The following VAC14 variants were observed in gnomAD, a reference collection of about 807,000 sequenced individuals.
The protein encoded by VAC14 is protein VAC14 homolog.
Under a neutral mutation model 85.3 loss-of-function variants are expected in VAC14, and 47 were observed. The observed-to-expected ratio is 0.55, with a 90% CI of 0.44 to 0.70. VAC14 has a LOEUF of 0.70. Ranked by LOEUF, VAC14 falls within the 30% of genes least tolerant of loss-of-function variation. The probability of loss-of-function intolerance (pLI) is 0.00; values close to 1 mark genes in which losing one functional copy is unlikely to be tolerated. For missense variants in VAC14, 861 were observed against 1,004.3 expected (o/e 0.86, Z 1.93); for synonymous variants, 447 against 430.5 (o/e 1.04, Z -0.47).
intron 9 of VAC14, among the ~76,000 whole-genome samples, chr16:70,779,476 T>G (rs895645161): frequency 6.6e-6 from 1 of 152,248 alleles, no homozygotes; most frequent in Non-Finnish European, 1.5e-5. Flanking sequence ...TTGTGGGTTA[T>G]TCTACTGAAT....
intron 14 of VAC14, among the ~76,000 whole-genome samples, chr16:70,702,812 C>G (rs1459211602): frequency 6.6e-6 from 1 of 152,200 alleles, no homozygotes; most frequent in African/African-American, 2.4e-5. Flanking sequence ...CTAGTCCACA[C>G]CGGGATCTGT....
intron 5 of VAC14, among the ~76,000 whole-genome samples, chr16:70,783,818 A>T (rs545737765): frequency 1.3e-5 from 2 of 152,230 alleles, no homozygotes. Flanking sequence ...AAAAGGCTAG[A>T]AAAAGTGAGA....
At chr16:70,769,698 G>C (rs1233394588) in intron 10 of VAC14, 1 of 152,202 alleles carries the variant, frequency 6.6e-6, no homozygotes, top group African/African-American at 2.4e-5. Context: ...TCCTGGCCTT[G>C]GCACAAGAAC....
intron 1 of VAC14, among the ~76,000 whole-genome samples, chr16:70,798,536 G>T (rs1042884430): frequency 2.0e-5 from 3 of 152,202 alleles, no homozygotes; most frequent in African/African-American, 7.2e-5. Flanking sequence ...CTATCTCTAA[G>T]CAATTTGTGA....
intron 12 of VAC14, among the ~76,000 whole-genome samples, chr16:70,745,518 T>TGTGTGTGTGC (rs374204849): frequency 1.9e-4 from 27 of 141,106 alleles, no homozygotes; most frequent in South Asian, 6.5e-4. Flanking sequence ...TGTGTGTGTG[T>TGTGTGTGTGC]GCGCGTGTGC....
intron 18 of VAC14, chr16:70,689,149 G>T: frequency 1.0e-6 from 1 of 977,186 alleles, no homozygotes; most frequent in Non-Finnish European, 1.2e-6. Flanking sequence ...CTTCCTAGCG[G>T]TGTGACTTGA....
rs371531175 is a variant in VAC14 at position 70,798,516 on chromosome 16, A to C, written c.104+2281T>G. 4.1e-4 allele frequency among the ~76,000 whole-genome samples: 62 copies of C among 152,364 alleles called. 1 individual carries two copies. Among genetic ancestry groups the C allele is most frequent in the East Asian group, 2.1e-3 (11 of 5,190 alleles). ...TGGTGCTGGTGAAGCACAGATAAGT[A>C]AGTCAGTATCTATCTCTAAGCAATT... is the stretch of plus-strand genomic sequence containing the variant. On this transcript the variant is annotated intron_variant, in intron 1 of 18. Coordinates refer to ENST00000261776, the MANE Select transcript of VAC14 (RefSeq NM_018052.5).
In VAC14 at chr16:70,800,811, C is replaced by A. The variant is rs1567620117; in HGVS notation, c.90G>T (p.Ala30=). Residue 30 remains alanine (A), a synonymous_variant, in exon 1 of 19, where the codon GCG becomes GCT. Coordinates refer to ENST00000261776, the MANE Select transcript of VAC14 (RefSeq NM_018052.5). ...GCGGCTCTTACTTCTCGATCTCCAGCGCTGCCACCTTCCGCTTTTCGTACA... is the reference window on the plus strand; with the variant it reads ...GCGGCTCTTACTTCTCGATCTCCAGAGCTGCCACCTTCCGCTTTTCGTACA... ...DKLYEKRKVA[A]LEIEKLVREF... 4 of 1,609,654 alleles carry A rather than the reference C, an allele frequency of 2.5e-6. No homozygotes were observed. Among genetic ancestry groups the A allele is most frequent in the Non-Finnish European group, 2.5e-6 (3 of 1,178,030 alleles).
rs2054476365 is a variant in VAC14, at chr16:70,727,876, C to CCA, written c.1661+3618_1661+3619insTG. 2.0e-5 allele frequency among the ~76,000 whole-genome samples: 3 copies of CCA among 152,218 alleles called. No homozygotes were observed. The South Asian group carries it at 6.2e-4, about 31-fold the overall frequency. ...CAACCCTGGAGCTGGTTGACAATGG[C>CCA]TTGGTGTGCTGGCAGAGTGGGCAGC... On this transcript the variant is annotated intron_variant, in intron 14 of 18. Coordinates refer to ENST00000261776, the MANE Select transcript of VAC14 (RefSeq NM_018052.5).
intron 14 of VAC14, among the ~76,000 whole-genome samples, chr16:70,728,387 T>G (rs969694036): frequency 2.0e-5 from 3 of 152,178 alleles, no homozygotes; most frequent in African/African-American, 7.2e-5. Flanking sequence ...ATTAGCAGAG[T>G]GCAGGAGTTT....
At position 70,730,594 on chromosome 16, in the gene VAC14, C is replaced by CTT. The variant is rs34654239; in HGVS notation, c.1661+899_1661+900dup. On this transcript the variant is annotated intron_variant, in intron 14 of 18. Transcript: ENST00000261776. ...TTCACTCATCAGAGGGAGGCCCAGG[C>CTT]TTTTTTTTTTTTTTTTTTTTGGAGA... 8.9e-3 allele frequency among the ~76,000 whole-genome samples: 948 copies of CTT among 106,522 alleles called. 44 individuals carry two copies. Among genetic ancestry groups the CTT allele is most frequent in the African/African-American group, 0.037 (870 of 23,760 alleles). The allele number at this position is 106,522 out of a possible 152,430, so 69.9% of individuals were successfully genotyped here. A position where few individuals can be genotyped will look rare whatever the true frequency, so the allele number is the denominator to read the frequency against.
intron 12 of VAC14, among the ~76,000 whole-genome samples, chr16:70,752,981 C>T (rs970328949): frequency 6.6e-6 from 1 of 151,142 alleles, no homozygotes; most frequent in Non-Finnish European, 1.5e-5. Context: ...CAGAGGGAAC[C>T]TGGCCCAGCC....
rs554519705 is a variant in VAC14, at chr16:70,742,388, C to A, written c.1528+2035G>T. On this transcript the variant is annotated intron_variant, in intron 13 of 18. Coordinates refer to ENST00000261776, the MANE Select transcript of VAC14 (RefSeq NM_018052.5). ...CCTTTTCTCTCTTCCTTTCCTACCC[C>A]CTTTGCTGGGCCCCCACACTCCACC... Among the ~76,000 whole-genome samples the A allele has an allele frequency of 3.3e-5, 5 of 152,336 alleles. No individual in the cohort carries two copies. The East Asian group carries it at 5.8e-4, about 18-fold the overall frequency.
At chr16:70,691,497 C>T (rs1333783324) in intron 18 of VAC14, 1 of 985,462 alleles carries the variant, frequency 1.0e-6, no homozygotes, top group African/African-American at 1.7e-5. Context: ...TGACAGCACT[C>T]CGGCCCCAGG....
At chr16:70,790,061 C>A (rs1311136229) in intron 1 of VAC14, among the ~76,000 whole-genome samples, 1 of 152,126 alleles carries the variant, frequency 6.6e-6, no homozygotes, top group Non-Finnish European at 1.5e-5. Flanking sequence ...CTATTCCCTG[C>A]CCCCAAGGAG....
intron 14 of VAC14, chr16:70,715,209 T>A (rs1166497385): frequency 6.6e-6 from 1 of 151,984 alleles, no homozygotes; most frequent in Admixed American, 6.5e-5. Context: ...CAGAAACACC[T>A]CCCCCACTCC....
chr16:70,744,782 G>A, intron 12 of VAC14: 3 of 548,986 alleles, frequency 5.5e-6, no homozygotes, highest in Non-Finnish European at 9.1e-6. Flanking sequence ...AGGGAACACA[G>A]ACTACAGTGA....
intron 14 of VAC14, among the ~76,000 whole-genome samples, chr16:70,701,010 C>A (rs945229594): frequency 1.3e-5 from 2 of 152,162 alleles, no homozygotes; most frequent in Non-Finnish European, 2.9e-5. Flanking sequence ...TGAGGAGAAG[C>A]GGGCACCCAG....
chr16:70,763,561 G>C (rs1224589031), intron 10 of VAC14, among the ~76,000 whole-genome samples: 3 of 152,364 alleles, frequency 2.0e-5, no homozygotes, highest in African/African-American at 7.2e-5. Context: ...CTCAAGTGAG[G>C]TCAGGGATCG....
Sources: gnomAD v4.1 joint callset for allele counts (sites outside exome capture counted in the v4.1 genomes callset) on GRCh38, gnomAD v4.1.1 for gene constraint, MANE v1.5 for transcripts, NCBI Gene and HGNC (gene_info 2026-07-23, HGNC 2026-07-21) for gene names.